The following MAGI2 variants were observed in gnomAD, a reference collection of about 807,000 sequenced individuals.
MAGI2 encodes the protein membrane-associated guanylate kinase, WW and PDZ domain-containing protein 2.
A neutral mutation model predicts 133.3 loss-of-function variants in MAGI2; 35 were observed. That is an observed-to-expected ratio of 0.26 (90% CI 0.20 to 0.35). The LOEUF (loss-of-function observed/expected upper bound fraction) is 0.35. MAGI2 is among the 10% of genes least tolerant of loss of function. The pLI is 1.00. For missense variants in MAGI2, 1,636 were observed against 1,863.4 expected, an observed-to-expected ratio of 0.88 and a Z score of 2.25; for synonymous variants, 729 against 710.6, an observed-to-expected ratio of 1.03 and a Z score of -0.41.
chr7:78,103,618 G>C (rs1298332974), intron 20 of MAGI2, among the ~76,000 whole-genome samples: 5 of 152,206 alleles, frequency 3.3e-5, no homozygotes, highest in Non-Finnish European at 7.3e-5. Context: ...GACGAAGTTG[G>C]GCTCTGCCCA....
intron 3 of MAGI2, among the ~76,000 whole-genome samples, chr7:78,622,422 C>A (rs1319775031): frequency 6.6e-6 from 1 of 151,984 alleles, no homozygotes; most frequent in Non-Finnish European, 1.5e-5. Flanking sequence ...CTAAACACTG[C>A]AGAAGGGAGA....
chr7:78,696,408 T>C (rs1817518835), intron 2 of MAGI2, among the ~76,000 whole-genome samples: 3 of 152,346 alleles, frequency 2.0e-5, no homozygotes, highest in Admixed American at 1.3e-4. Context: ...AAATTTAATA[T>C]CCTTGGCTGT....
chr7:78,484,420 T>A (rs1157672928), intron 6 of MAGI2: 3 of 151,666 alleles, frequency 2.0e-5, no homozygotes, highest in African/African-American at 4.8e-5. Flanking sequence ...TTATGTAATT[T>A]TTTTTCCTGT....
At chr7:79,107,347 T>C (rs192486934) in intron 1 of MAGI2, among the ~76,000 whole-genome samples, 12 of 152,270 alleles carry the variant, frequency 7.9e-5, no homozygotes, top group African/African-American at 2.9e-4. Context: ...CAAGGAAACA[T>C]AGACTTGGTC....
chr7:79,140,081 C>T (rs541305677), intron 1 of MAGI2, among the ~76,000 whole-genome samples: 1 of 152,280 alleles, frequency 6.6e-6, no homozygotes, highest in East Asian at 1.9e-4. Context: ...TCCCCTTTAG[C>T]CTTCGAGACC....
At chr7:78,543,196 T>C (rs1798552016) in intron 3 of MAGI2, among the ~76,000 whole-genome samples, 1 of 152,158 alleles carries the variant, frequency 6.6e-6, no homozygotes, top group Admixed American at 6.5e-5. Context: ...AGCTAAAGAA[T>C]GATATTCTTT....
intron 1 of MAGI2, among the ~76,000 whole-genome samples, chr7:79,342,106 G>C (rs368155008): frequency 1.3e-5 from 2 of 152,138 alleles, no homozygotes; most frequent in African/African-American, 2.4e-5. Context: ...CTACTTACCA[G>C]GTTCCTCCCT....
chr7:78,829,559 C>A (rs1790958645), intron 2 of MAGI2, among the ~76,000 whole-genome samples: 3 of 151,942 alleles, frequency 2.0e-5, no homozygotes, highest in African/African-American at 7.2e-5. Flanking sequence ...ATGATTTTAA[C>A]AAGTATATCC....
chr7:79,190,053 T>A (rs1827516485), intron 1 of MAGI2, among the ~76,000 whole-genome samples: 1 of 151,596 alleles, frequency 6.6e-6, no homozygotes, highest in Non-Finnish European at 1.5e-5. Flanking sequence ...TGGCTTTAAA[T>A]TTTTTTTGTC....
intron 1 of MAGI2, among the ~76,000 whole-genome samples, chr7:79,373,150 A>G (rs1163483641): frequency 1.3e-5 from 2 of 152,118 alleles, no homozygotes; most frequent in Non-Finnish European, 2.9e-5. Flanking sequence ...TAAAGGGAAC[A>G]ATCTGCAGAT....
At chr7:79,208,894 C>A (rs1233168237) in intron 1 of MAGI2, among the ~76,000 whole-genome samples, 1 of 151,876 alleles carries the variant, frequency 6.6e-6, no homozygotes, top group Non-Finnish European at 1.5e-5. Context: ...ATAGATTAAC[C>A]TGGAGGACAA....
At chr7:78,512,285 T>C (rs1346808487) in intron 4 of MAGI2, among the ~76,000 whole-genome samples, 1 of 152,224 alleles carries the variant, frequency 6.6e-6, no homozygotes, top group East Asian at 1.9e-4. Flanking sequence ...GAAGGAGATA[T>C]TAGAATTAGG....
intron 2 of MAGI2, among the ~76,000 whole-genome samples, chr7:78,722,013 A>G (rs1175767851): frequency 6.6e-6 from 1 of 151,572 alleles, no homozygotes; most frequent in Non-Finnish European, 1.5e-5. Context: ...AAACTTTTTT[A>G]TTTGTAAAAT....
chr7:78,799,274 G>A (rs1368792514), intron 2 of MAGI2, among the ~76,000 whole-genome samples: 4 of 152,116 alleles, frequency 2.6e-5, no homozygotes, highest in East Asian at 1.9e-4. Flanking sequence ...ACTGGCAGAA[G>A]TAAGCATTGC....
At chr7:79,104,308 A>G (rs1818254088) in intron 1 of MAGI2, among the ~76,000 whole-genome samples, 2 of 152,184 alleles carry the variant, frequency 1.3e-5, no homozygotes, top group Admixed American at 1.3e-4. Context: ...GATGGGGACC[A>G]TATCTCATTT....
At chr7:78,441,729 C>T (rs1395314732) in intron 6 of MAGI2, among the ~76,000 whole-genome samples, 1 of 151,978 alleles carries the variant, frequency 6.6e-6, no homozygotes, top group Non-Finnish European at 1.5e-5. Flanking sequence ...AAGCATCCCA[C>T]CTACACAAGA....
At chr7:78,562,341 C>T (rs557796438) in intron 3 of MAGI2, among the ~76,000 whole-genome samples, 31 of 152,264 alleles carry the variant, frequency 2.0e-4, no homozygotes. Context: ...CACAGATGTC[C>T]TATACACTGT....
intron 21 of MAGI2, among the ~76,000 whole-genome samples, chr7:78,067,261 A>T (rs891527889): frequency 1.3e-5 from 2 of 152,254 alleles, no homozygotes; most frequent in Admixed American, 6.5e-5. Flanking sequence ...GGTTTTAAAC[A>T]TGGCCTTTAC....
At chr7:78,243,556 T>C (rs1791419058) in intron 10 of MAGI2, among the ~76,000 whole-genome samples, 1 of 152,198 alleles carries the variant, frequency 6.6e-6, no homozygotes, top group African/African-American at 2.4e-5. Flanking sequence ...CTTAATTTTC[T>C]GCTTTTCACT....
Sources: gnomAD v4.1 joint callset for allele counts (sites outside exome capture counted in the v4.1 genomes callset) on GRCh38, gnomAD v4.1.1 for gene constraint, MANE v1.5 for transcripts, NCBI Gene and HGNC (gene_info 2026-07-23, HGNC 2026-07-21) for gene names.